SCD5: variants seen among roughly 807,000 people sequenced by gnomAD.
The protein encoded by SCD5 is stearoyl-CoA desaturase 5.
A neutral mutation model predicts 30.4 loss-of-function variants in SCD5; 20 were observed. The observed-to-expected ratio is 0.66, with a 90% CI of 0.46 to 0.96. The LOEUF (loss-of-function observed/expected upper bound fraction) is 0.96, where lower values mean the gene tolerates loss of function less well. Among genes scored for constraint, SCD5 ranks in the 40% least tolerant of loss-of-function variants. The pLI, the probability that SCD5 is intolerant of heterozygous loss-of-function variation, is 0.00. For synonymous variants in SCD5, 173 were observed against 176.4 expected, an observed-to-expected ratio of 0.98 and a Z score of 0.16; for missense variants, 381 against 443.3, an observed-to-expected ratio of 0.86 and a Z score of 1.26.
chr4:82,684,237 C>A lies in SCD5; in HGVS notation c.364-3325G>T, dbSNP rs187605586. On this transcript the variant is annotated intron_variant, in intron 2 of 4. Coordinates refer to ENST00000319540, the MANE Select transcript of SCD5 (RefSeq NM_001037582.3). The stretch of plus-strand genomic sequence containing the variant: ...TGGAATGAAGCACATTCCAAATAAT[C>A]AAGCACATAATGAAGCCAAAAATAC... Among the ~76,000 whole-genome samples, 28 of 152,270 alleles carry A rather than the reference C, an allele frequency of 1.8e-4. 2 individuals carry two copies. The East Asian group carries it at 5.4e-3, about 29-fold the overall frequency.
chr4:82,633,146 AC>A (rs1727356198), intron 4 of SCD5, among the ~76,000 whole-genome samples: 2 of 151,532 alleles, frequency 1.3e-5, no homozygotes, highest in East Asian at 3.9e-4. Context: ...TCTCTCAACA[AC>A]CCCCCTGCCC....
intron 3 of SCD5, among the ~76,000 whole-genome samples, chr4:82,651,609 T>C (rs777260914): frequency 2.2e-4 from 33 of 151,992 alleles, no homozygotes; most frequent in Non-Finnish European, 2.6e-4. Flanking sequence ...CAAAAACCGA[T>C]TGAAATAAAA....
chr4:82,712,378 C>T (rs1157698226), intron 1 of SCD5, among the ~76,000 whole-genome samples: 1 of 139,238 alleles, frequency 7.2e-6, no homozygotes, highest in Non-Finnish European at 1.5e-5. Flanking sequence ...AGTGCAATGG[C>T]GTGATCTCGG....
At chr4:82,796,488 G>T (rs1054591237) in intron 1 of SCD5, among the ~76,000 whole-genome samples, 1 of 152,136 alleles carries the variant, frequency 6.6e-6, no homozygotes, top group African/African-American at 2.4e-5. Context: ...ACAGAGAGCG[G>T]TCCGGAAAGG....
chr4:82,713,635 T>C (rs1319572147), intron 1 of SCD5, among the ~76,000 whole-genome samples: 1 of 152,152 alleles, frequency 6.6e-6, no homozygotes, highest in African/African-American at 2.4e-5. Context: ...GCAGGGATTG[T>C]GTCTGTCTGT....
intron 2 of SCD5, among the ~76,000 whole-genome samples, chr4:82,686,764 T>C (rs73829965): frequency 0.012 from 1,787 of 152,308 alleles, 39 homozygotes; most frequent in African/African-American, 0.041. Context: ...CTTGATCCTA[T>C]ACTCTGAAAT....
rs1182570502 is a variant in SCD5, at chr4:82,720,534, ATCT to A, written c.233-15124_233-15122del. ...TCCATTCCTAGTTGATGAAGGAAAG[ATCT>A]TCTTTTCAGAAATTAATAATTTCAG... On this transcript the variant is annotated intron_variant, in intron 1 of 4. Transcript: ENST00000319540. Among the ~76,000 whole-genome samples, 6 of 151,474 alleles carry A rather than the reference ATCT, an allele frequency of 4.0e-5. No homozygotes were observed. The South Asian group carries it at 6.3e-4, about 16-fold the overall frequency.
chr4:82,689,047 T>C (rs1032074681), intron 2 of SCD5, among the ~76,000 whole-genome samples: 40 of 150,654 alleles, frequency 2.7e-4, no homozygotes, highest in African/African-American at 9.7e-4. Flanking sequence ...GAGTTAAAAA[T>C]TGAGGGGGAA....
intron 3 of SCD5, among the ~76,000 whole-genome samples, chr4:82,646,037 A>T (rs895684874): frequency 6.6e-6 from 1 of 152,124 alleles, no homozygotes; most frequent in Non-Finnish European, 1.5e-5. Flanking sequence ...AAGGGGGGGA[A>T]ATGACCTGCC....
chr4:82,753,481 T>G lies in SCD5; in HGVS notation c.232+44825A>C, dbSNP rs1721152245. 2.1e-5 allele frequency: 10 copies of G among 479,686 alleles called. No homozygotes were observed. The Admixed American group carries it at 2.2e-4, about 11-fold the overall frequency. The allele number at this position is 479,686 out of a possible 1,614,324, so 29.7% of individuals were successfully genotyped here. A position where few individuals can be genotyped will look rare whatever the true frequency, so the allele number is the denominator to read the frequency against. On this transcript the variant is annotated intron_variant, in intron 1 of 4. Coordinates refer to ENST00000319540, the MANE Select transcript of SCD5 (RefSeq NM_001037582.3). The stretch of plus-strand genomic sequence containing the variant: ...GAGTCACGCGGGTGGACTCTGACAG[T>G]GATAGTGTCCATTTCCCACATCTGC...
At chr4:82,748,348 A>T (rs2148841465) in intron 1 of SCD5, among the ~76,000 whole-genome samples, 1 of 151,592 alleles carries the variant, frequency 6.6e-6, no homozygotes, top group South Asian at 2.1e-4. Flanking sequence ...GAGGAGGGGG[A>T]GGGGACACTC....
At chr4:82,774,497 TTTTTGC>T (rs746286205) in intron 1 of SCD5, among the ~76,000 whole-genome samples, 54 of 152,276 alleles carry the variant, frequency 3.5e-4, no homozygotes, top group Non-Finnish European at 6.3e-4. Context: ...ACAAGTAACT[TTTTTGC>T]TTTTGCTTTT....
In SCD5 at chr4:82,631,373, G is replaced by A. The variant is rs140238759; in HGVS notation, c.947C>T (p.Pro316Leu). Reference sequence around the variant, plus strand: ...CCTGGCCTTCCGGGCCTCGATCATCGGCTTGGTTGCCCGTTTGCGGTCAGT... The same window carrying A: ...CCTGGCCTTCCGGGCCTCGATCATCAGCTTGGTTGCCCGTTTGCGGTCAGT... ...LATDRKRATK[P>L]MIEARKARTG... Residue 316 changes from proline to leucine, a missense_variant, in exon 5 of 5, where the codon CCG (proline) becomes CTG (leucine). Pro to Leu is a moderately conservative substitution (Grantham distance 98). Transcript: ENST00000319540. The A allele has an allele frequency of 2.2e-5, 35 of 1,613,854 alleles. No individual in the cohort carries two copies. Among genetic ancestry groups the A allele is most frequent in the Non-Finnish European group, 2.5e-5 (30 of 1,180,020 alleles).
In SCD5 at chr4:82,785,398, A is replaced by T. The variant is rs550511015; in HGVS notation, c.232+12908T>A. ...TTTAAGACATCAAAGGAATCTACAT[A>T]ACAAGCCTTACTAACCACCCTTTAT... On this transcript the variant is annotated intron_variant, in intron 1 of 4. Coordinates refer to ENST00000319540, the MANE Select transcript of SCD5 (RefSeq NM_001037582.3). 2.6e-5 allele frequency among the ~76,000 whole-genome samples: 4 copies of T among 152,304 alleles called. No individual in the cohort carries two copies. In the East Asian group the frequency reaches 7.7e-4, roughly 29 times the overall value.
chr4:82,665,161 A>G (rs2202570), intron 3 of SCD5, among the ~76,000 whole-genome samples: 133,786 of 141,946 alleles, frequency 0.94, 63,164 homozygotes, highest in East Asian at 1. Context: ...TTTGAGCCAG[A>G]AGTTTGAGGC....
intron 1 of SCD5, among the ~76,000 whole-genome samples, chr4:82,739,827 C>T (rs1051172693): frequency 6.6e-6 from 1 of 152,196 alleles, no homozygotes. Context: ...TAAAGAGAGG[C>T]ATATATCTGT....
chr4:82,650,809 A>T (rs1004264284), intron 3 of SCD5, among the ~76,000 whole-genome samples: 1 of 149,148 alleles, frequency 6.7e-6, no homozygotes, highest in Non-Finnish European at 1.5e-5. Context: ...TTGATTAAAT[A>T]TCAAATGTTA....
At chr4:82,722,384 C>A (rs1720386304) in intron 1 of SCD5, among the ~76,000 whole-genome samples, 1 of 152,122 alleles carries the variant, frequency 6.6e-6, no homozygotes, top group South Asian at 2.1e-4. Context: ...ACTATTTTTA[C>A]TCAGTAATAA....
intron 3 of SCD5, among the ~76,000 whole-genome samples, chr4:82,669,157 A>G (rs1728252763): frequency 6.9e-6 from 1 of 145,024 alleles, no homozygotes; most frequent in South Asian, 2.5e-4. Flanking sequence ...CACTCCATTG[A>G]GAATCCCTAA....
Sources: allele counts gnomAD v4.1 joint callset (sites outside exome capture counted in the v4.1 genomes callset), GRCh38; gene constraint gnomAD v4.1.1; transcripts MANE v1.5; gene names NCBI Gene and HGNC (gene_info 2026-07-23, HGNC 2026-07-21).